The following SERGEF variants were observed in gnomAD, a reference collection of about 807,000 sequenced individuals.
SERGEF encodes secretion regulating guanine nucleotide exchange factor, also known as secretion-regulating guanine nucleotide exchange factor.
SERGEF carries 51 observed loss-of-function variants against 50.0 expected under a neutral mutation model. The ratio of observed to expected loss-of-function variants is 1.02; its 90% CI spans 0.81 to 1.29. SERGEF has a LOEUF of 1.29. Among genes scored for constraint, SERGEF ranks in the 50% most tolerant of loss-of-function variants. SERGEF has a pLI of 0.00. For synonymous variants in SERGEF, 205 were observed against 212.4 expected (o/e 0.97, Z 0.30); for missense variants, 521 against 557.0 (o/e 0.94, Z 0.65).
chr11:17,801,675 T>C (rs964295311), intron 10 of SERGEF, among the ~76,000 whole-genome samples: 2 of 152,142 alleles, frequency 1.3e-5, no homozygotes, highest in Admixed American at 1.3e-4. Flanking sequence ...TAAGTGCCTA[T>C]TAGACATGAA....
At chr11:17,956,228 A>G (rs1037754694) in intron 9 of SERGEF, among the ~76,000 whole-genome samples, 3 of 152,252 alleles carry the variant, frequency 2.0e-5, no homozygotes, top group African/African-American at 7.2e-5. Context: ...TGAAACACTT[A>G]GGGCATTAGA....
At chr11:17,827,690 C>T (rs1442773233) in intron 10 of SERGEF, among the ~76,000 whole-genome samples, 2 of 152,126 alleles carry the variant, frequency 1.3e-5, no homozygotes, top group Non-Finnish European at 2.9e-5. Context: ...GGGAAATGAT[C>T]CTCAGGTCTA....
In SERGEF at chr11:17,925,821, T is replaced by C. The variant is rs530537135; in HGVS notation, c.1011+33649A>G. 1.8e-3 allele frequency among the ~76,000 whole-genome samples: 277 copies of C among 152,296 alleles called. 3 individuals carry two copies. Among genetic ancestry groups the C allele is most frequent in the African/African-American group, 5.2e-3 (217 of 41,562 alleles). On this transcript the variant is annotated intron_variant, in intron 9 of 10. Transcript: ENST00000265965. ...TGTCTTCAAAGACAGGACATTAGAA[T>C]AAGACTCAAAAGACCTGAATTCCAG...
intron 9 of SERGEF, among the ~76,000 whole-genome samples, chr11:17,924,438 C>A (rs1852213768): frequency 6.6e-6 from 1 of 152,070 alleles, no homozygotes; most frequent in African/African-American, 2.4e-5. Context: ...AGGGTCTGTG[C>A]AAAGGAATGG....
intron 10 of SERGEF, among the ~76,000 whole-genome samples, chr11:17,847,006 T>G (rs957568210): frequency 6.6e-6 from 1 of 152,226 alleles, no homozygotes; most frequent in African/African-American, 2.4e-5. Flanking sequence ...CATGTGAGGA[T>G]GTCAGATCTG....
intron 10 of SERGEF, among the ~76,000 whole-genome samples, chr11:17,796,948 G>A (rs1057346745): frequency 6.6e-6 from 1 of 152,224 alleles, no homozygotes; most frequent in Non-Finnish European, 1.5e-5. Context: ...AATGAGGTGA[G>A]AGGAGTAGAT....
chr11:17,867,240 T>C (rs970799886), intron 10 of SERGEF, among the ~76,000 whole-genome samples: 3 of 152,244 alleles, frequency 2.0e-5, no homozygotes, highest in Non-Finnish European at 4.4e-5. Context: ...AGTAAGTTAG[T>C]TGCTTCTTAG....
chr11:17,818,038 C>A (rs936505457), intron 10 of SERGEF, among the ~76,000 whole-genome samples: 5 of 152,206 alleles, frequency 3.3e-5, no homozygotes, highest in Non-Finnish European at 7.3e-5. Context: ...CTAAGACGGA[C>A]AGACTTGAGG....
At chr11:17,871,460 C>CAAAA (rs59785475) in intron 10 of SERGEF, among the ~76,000 whole-genome samples, 1 of 93,240 alleles carries the variant, frequency 1.1e-5, no homozygotes, top group Non-Finnish European at 2.1e-5. Flanking sequence ...GACTCCATCT[C>CAAAA]AAAAAAAAAA....
intron 10 of SERGEF, among the ~76,000 whole-genome samples, chr11:17,792,707 C>T (rs1590115985): frequency 6.6e-6 from 1 of 152,126 alleles, no homozygotes; most frequent in East Asian, 1.9e-4. Flanking sequence ...GAGGCAGCCA[C>T]AATTTACAGA....
At chr11:17,873,591 C>A (rs1196662800) in intron 10 of SERGEF, among the ~76,000 whole-genome samples, 1 of 151,924 alleles carries the variant, frequency 6.6e-6, no homozygotes, top group Non-Finnish European at 1.5e-5. Context: ...AGTTGAAAAT[C>A]ATCTGTGAAA....
chr11:17,970,024 G>A (rs905542485), intron 8 of SERGEF, among the ~76,000 whole-genome samples: 4 of 152,206 alleles, frequency 2.6e-5, no homozygotes, highest in Non-Finnish European at 5.9e-5. Flanking sequence ...GACTAGACTA[G>A]AACCCAGGTC....
At chr11:17,838,474 A>C (rs1452206558) in intron 10 of SERGEF, among the ~76,000 whole-genome samples, 1 of 152,132 alleles carries the variant, frequency 6.6e-6, no homozygotes, top group Non-Finnish European at 1.5e-5. Context: ...TCAGAGGAGG[A>C]ACTAGGGAAA....
intron 5 of SERGEF, among the ~76,000 whole-genome samples, chr11:17,997,402 A>G (rs1853858589): frequency 6.6e-6 from 1 of 152,130 alleles, no homozygotes; most frequent in African/African-American, 2.4e-5. Flanking sequence ...AGTTTTTGGA[A>G]AAATTGGAAC....
intron 8 of SERGEF, among the ~76,000 whole-genome samples, chr11:17,980,401 T>C (rs892881975): frequency 6.6e-6 from 1 of 152,136 alleles, no homozygotes; most frequent in African/African-American, 2.4e-5. Flanking sequence ...AGGACATATA[T>C]ACATGGGAAT....
chr11:17,805,639 G>C (rs1275776052), intron 10 of SERGEF, among the ~76,000 whole-genome samples: 2 of 152,204 alleles, frequency 1.3e-5, no homozygotes, highest in African/African-American at 4.8e-5. Context: ...TCCAAGCCTA[G>C]TATTCTTTAC....
intron 1 of SERGEF, among the ~76,000 whole-genome samples, chr11:18,010,652 C>T (rs945550548): frequency 2.6e-5 from 4 of 152,192 alleles, no homozygotes; most frequent in Non-Finnish European, 4.4e-5. Context: ...CTTCATGCCA[C>T]TTCTTGATGT....
chr11:17,861,283 G>A (rs925418410), intron 10 of SERGEF, among the ~76,000 whole-genome samples: 7 of 152,136 alleles, frequency 4.6e-5, no homozygotes, highest in African/African-American at 1.2e-4. Flanking sequence ...CACATAATTC[G>A]CTCCAATGAT....
chr11:17,863,214 A>G (rs1850958001), intron 10 of SERGEF, among the ~76,000 whole-genome samples: 1 of 152,258 alleles, frequency 6.6e-6, no homozygotes, highest in Non-Finnish European at 1.5e-5. Context: ...GAATAGTGTC[A>G]GCACTTTGTA....
Sources: gnomAD v4.1 joint callset for allele counts (sites outside exome capture counted in the v4.1 genomes callset) on GRCh38, gnomAD v4.1.1 for gene constraint, MANE v1.5 for transcripts, NCBI Gene and HGNC (gene_info 2026-07-23, HGNC 2026-07-21) for gene names.